COL18A1: variants seen among roughly 807,000 people sequenced by gnomAD.
COL18A1 encodes collagen type XVIII alpha 1 chain, also known as collagen alpha-1(XVIII) chain.
In COL18A1, 133 loss-of-function variants were observed where a neutral mutation model predicts 168.0. The observed-to-expected ratio is 0.79, with a 90% CI of 0.69 to 0.91. COL18A1 has a LOEUF of 0.91. Ranked by LOEUF, COL18A1 falls within the 40% of genes least tolerant of loss-of-function variation. The pLI is 0.00. For missense variants in COL18A1, 2,126 were observed against 1,925.4 expected (o/e 1.10, Z -1.95); for synonymous variants, 949 against 809.0 (o/e 1.17, Z -2.94).
rs1306262842 is a variant in COL18A1 at position 45,414,082 on chromosome 21, G to GGGA, written c.106+8612_106+8614dup. ...GAGGAGGAGGATCGGGAGGAGGAGG[G>GGGA]GGAGGCCCTTTCTGTATTGGATGCA... On this transcript the variant is annotated intron_variant, in intron 2 of 41. Transcript: ENST00000651438. Among the ~76,000 whole-genome samples, 10 of 152,202 alleles carry GGGA rather than the reference G, an allele frequency of 6.6e-5. 1 individual carries two copies. Among genetic ancestry groups the GGGA allele is most frequent in the Non-Finnish European group, 1.3e-4 (9 of 68,044 alleles).
intron 16 of COL18A1, among the ~76,000 whole-genome samples, 171 bp downstream of exon 16, chr21:45,487,163 C>T (rs1035616496): frequency 1.3e-5 from 2 of 152,206 alleles, no homozygotes; most frequent in African/African-American, 4.8e-5. Flanking sequence ...GTCTCTCGCC[C>T]GTCGCCCGTG....
chr21:45,489,702 C>T (rs10154223), intron 19 of COL18A1, among the ~76,000 whole-genome samples, 181 bp downstream of exon 19: 135 of 152,062 alleles, frequency 8.9e-4, no homozygotes, highest in Admixed American at 2.5e-3. Flanking sequence ...CTGCAGGGCA[C>T]CCAACCCCAG....
intron 15 of COL18A1, among the ~76,000 whole-genome samples, chr21:45,485,603 C>T (rs2036081908): frequency 6.6e-6 from 1 of 152,204 alleles, no homozygotes; most frequent in African/African-American, 2.4e-5. Flanking sequence ...AGTTAGCCCT[C>T]AAGTTAAGTG....
rs996115446 is a variant in COL18A1, at chr21:45,468,400, T to C, written c.265T>C (p.Phe89Leu). The C allele has an allele frequency of 4.3e-6, 7 of 1,614,022 alleles. No individual in the cohort carries two copies. The highest frequency in any genetic ancestry group is 5.9e-6 in the Non-Finnish European group (7 of 1,180,024). Reference protein sequence around the residue: ...VARYHFPSLFFRDFSLLFHIR... With the variant: ...VARYHFPSLFLRDFSLLFHIR... ...CCGGTACCACTTCCCCAGCCTCTTC[T>C]TCCGTGACTTCTCACTGCTGTTCCA... Residue 89 changes from phenylalanine (F) to leucine (L), a missense_variant, in exon 3 of 42, where the codon TTC becomes CTC. Transcript: ENST00000651438.
intron 9 of COL18A1, among the ~76,000 whole-genome samples, chr21:45,479,191 G>C (rs914253276): frequency 4.0e-5 from 6 of 150,674 alleles, no homozygotes; most frequent in African/African-American, 1.2e-4. Flanking sequence ...TGTGTGGGGG[G>C]GTGAGGATCC....
At chr21:45,432,547 T>C (rs2033991586) in intron 2 of COL18A1, among the ~76,000 whole-genome samples, 1 of 152,186 alleles carries the variant, frequency 6.6e-6, no homozygotes, top group South Asian at 2.1e-4. Context: ...ATCACCCACT[T>C]TTTGGGTGAG....
chr21:45,414,512 A>G (rs1404156573), intron 2 of COL18A1, among the ~76,000 whole-genome samples: 1 of 152,202 alleles, frequency 6.6e-6, no homozygotes, highest in Non-Finnish European at 1.5e-5. Flanking sequence ...CTGTCATCAC[A>G]GGGGACGTCT....
intron 7 of COL18A1, 100 bp downstream of exon 7, chr21:45,477,587 C>T (rs971041410): frequency 1.4e-5 from 18 of 1,325,738 alleles, no homozygotes; most frequent in African/African-American, 2.9e-5. Flanking sequence ...CCTCTGTGCC[C>T]GTGCCTCCTT....
chr21:45,478,913 G>A (rs2035779322), intron 9 of COL18A1, among the ~76,000 whole-genome samples: 1 of 152,200 alleles, frequency 6.6e-6, no homozygotes, highest in African/African-American at 2.4e-5. Context: ...CAGTCTAGAA[G>A]GTCTGAAAGG....
chr21:45,484,084 C>T, intron 15 of COL18A1, among the ~76,000 whole-genome samples: 1 of 143,760 alleles, frequency 7.0e-6, no homozygotes, highest in South Asian at 2.3e-4. Context: ...AGCATATGTA[C>T]ACACACACAC....
At chr21:45,506,294 G>A (rs2037199472) in intron 37 of COL18A1, 2 of 378,252 alleles carry the variant, frequency 5.3e-6, no homozygotes, top group East Asian at 6.4e-5. Context: ...ACGGGACGAG[G>A]CGGCAGGGGG....
intron 2 of COL18A1, among the ~76,000 whole-genome samples, chr21:45,442,943 GGGCAGC>G (rs2034415509): frequency 7.4e-6 from 1 of 134,892 alleles, no homozygotes. Context: ...GTGCTGGTGT[GGGCAGC>G]GGTGCTGATG....
At position 45,489,511 on chromosome 21, in the gene COL18A1, CG is replaced by C; in HGVS notation, c.1954del (p.Ala652ArgfsTer72). On this transcript the variant is annotated frameshift_variant, in exon 19 of 42. Coordinates refer to ENST00000651438, the MANE Select transcript of COL18A1 (RefSeq NM_001379500.1). LOFTEE classifies it high-confidence loss of function. The stretch of plus-strand genomic sequence containing the variant: ...GGGGATCCTGGCGTGCCTGGGCTGC[CG>C]GGGGCGAAGGTAAGCGCTGTGCCCG... ...LKGDPGVPGL[P>X]GAKGEVGADG... is the part of the protein sequence containing the mutation. The C allele has an allele frequency of 1.2e-6, 2 of 1,602,536 alleles. No homozygotes were observed. Among genetic ancestry groups the C allele is most frequent in the Non-Finnish European group, 1.7e-6 (2 of 1,174,448 alleles).
chr21:45,487,594 C>T, intron 17 of COL18A1, 85 bp downstream of exon 17: 1 of 1,561,768 alleles, frequency 6.4e-7, no homozygotes, highest in Non-Finnish European at 8.7e-7. Context: ...GAGCCACCGG[C>T]CTTGCATGGG....
At chr21:45,478,108 G>C in intron 8 of COL18A1, 143 bp downstream of exon 8, 3 of 747,158 alleles carry the variant, frequency 4.0e-6, no homozygotes, top group Non-Finnish European at 6.8e-6. Context: ...ACCGTTGCTC[G>C]GGGTTGGTGC....
At chr21:45,442,063 G>A (rs765494766) in intron 2 of COL18A1, among the ~76,000 whole-genome samples, 1 of 152,194 alleles carries the variant, frequency 6.6e-6, no homozygotes, top group Non-Finnish European at 1.5e-5. Context: ...CCTCATCCAC[G>A]CAGTCCTGCG....
At chr21:45,488,559 G>T (rs2036194380) in intron 18 of COL18A1, 115 bp downstream of exon 18, 5 of 1,489,912 alleles carry the variant, frequency 3.4e-6, no homozygotes, top group Non-Finnish European at 3.7e-6. Flanking sequence ...GGAGTAGGAT[G>T]AATTCATCCT....
In COL18A1 at chr21:45,463,268, A is replaced by G. The variant is rs933160213; in HGVS notation, c.107-4974A>G. On this transcript the variant is annotated intron_variant, in intron 2 of 41. Transcript: ENST00000651438. The surrounding 1 kb of genome is among the most constrained non-coding windows in gnomAD (Gnocchi z 4.0). The stretch of plus-strand genomic sequence containing the variant: ...CACAGGTTCTCGATGTCTGCAGGAC[A>G]GGGTCCTTTTTGCCGTCCTGTTTCC... 2.0e-5 allele frequency among the ~76,000 whole-genome samples: 3 copies of G among 152,236 alleles called. No homozygotes were observed. Among genetic ancestry groups the G allele is most frequent in the Admixed American group, 1.3e-4 (2 of 15,282 alleles).
At position 45,512,575 on chromosome 21, in the gene COL18A1, TA is replaced by T; in HGVS notation, c.*181del. 1.5e-6 allele frequency: 1 copy of T among 658,894 alleles called. No individual in the cohort carries two copies. Among genetic ancestry groups the T allele is most frequent in the Non-Finnish European group, 2.6e-6 (1 of 387,052 alleles). 40.8% of individuals were successfully genotyped at this position (658,894 alleles called of 1,614,324 possible). A position where few individuals can be genotyped will look rare whatever the true frequency, so the allele number is the denominator to read the frequency against. ...AAGGAAGCCAAAGAGTGTATTTTTT[TA>T]AAAGTTTAAAACAGAAGCCTGATGC... On this transcript the variant is annotated 3_prime_UTR_variant, in exon 42 of 42. Coordinates refer to ENST00000651438, the MANE Select transcript of COL18A1 (RefSeq NM_001379500.1).
Sources: gnomAD v4.1 joint callset for allele counts (sites outside exome capture counted in the v4.1 genomes callset) on GRCh38, gnomAD v4.1.1 for gene constraint, Gnocchi (gnomAD v3.1) non-coding constraint, MANE v1.5 for transcripts, NCBI Gene and HGNC (gene_info 2026-07-23, HGNC 2026-07-21) for gene names.